SLC25A21: variants seen among roughly 807,000 people sequenced by gnomAD.
SLC25A21 encodes solute carrier family 25 member 21.
A neutral mutation model predicts 43.8 loss-of-function variants in SLC25A21; 47 were observed. The ratio of observed to expected loss-of-function variants is 1.07; its 90% CI spans 0.85 to 1.37. The LOEUF (loss-of-function observed/expected upper bound fraction) is 1.37. Among genes scored for constraint, SLC25A21 ranks in the 40% most tolerant of loss-of-function variants. The probability of loss-of-function intolerance (pLI) is 0.00; values close to 1 mark genes in which losing one functional copy is unlikely to be tolerated. For synonymous variants in SLC25A21, 131 were observed against 121.3 expected, an observed-to-expected ratio of 1.08 and a Z score of -0.52; for missense variants, 352 against 350.2, an observed-to-expected ratio of 1.00 and a Z score of -0.04.
At chr14:36,761,182 C>G (rs924823161) in intron 3 of SLC25A21, among the ~76,000 whole-genome samples, 1 of 152,182 alleles carries the variant, frequency 6.6e-6, no homozygotes, top group African/African-American at 2.4e-5. Flanking sequence ...TGCATCCAAA[C>G]AGAAGCCTTG....
chr14:36,814,572 T>C (rs1888387139), intron 2 of SLC25A21, among the ~76,000 whole-genome samples: 1 of 152,222 alleles, frequency 6.6e-6, no homozygotes, highest in South Asian at 2.1e-4. Flanking sequence ...GAAAAAATCC[T>C]CATCATCACT....
At chr14:36,938,663 T>C (rs1892484773) in intron 1 of SLC25A21, among the ~76,000 whole-genome samples, 1 of 152,028 alleles carries the variant, frequency 6.6e-6, no homozygotes. Flanking sequence ...CATGTTCACA[T>C]CTCGTTGTTT....
At chr14:36,733,181 C>T (rs1884899747) in intron 4 of SLC25A21, among the ~76,000 whole-genome samples, 1 of 152,208 alleles carries the variant, frequency 6.6e-6, no homozygotes, top group South Asian at 2.1e-4. Context: ...ATGTAACTCA[C>T]TGAACAGATG....
chr14:36,858,357 T>G (rs528862904), intron 2 of SLC25A21, among the ~76,000 whole-genome samples: 1 of 152,306 alleles, frequency 6.6e-6, no homozygotes, highest in African/African-American at 2.4e-5. Context: ...CTTCTCAACC[T>G]GATGTTTAAG....
chr14:36,825,982 G>C (rs1321350698), intron 2 of SLC25A21, among the ~76,000 whole-genome samples: 1 of 152,104 alleles, frequency 6.6e-6, no homozygotes, highest in Non-Finnish European at 1.5e-5. Flanking sequence ...CCTTATTATT[G>C]AGTATAAAAG....
At chr14:36,918,562 G>A (rs953948103) in intron 1 of SLC25A21, among the ~76,000 whole-genome samples, 1 of 152,086 alleles carries the variant, frequency 6.6e-6, no homozygotes, top group East Asian at 1.9e-4. Flanking sequence ...TGCAGGATGA[G>A]AAAGCCCAAC....
chr14:37,111,893 T>A (rs1466228044), intron 1 of SLC25A21, among the ~76,000 whole-genome samples: 1 of 152,178 alleles, frequency 6.6e-6, no homozygotes, highest in Non-Finnish European at 1.5e-5. Context: ...AAAACTAGTA[T>A]AATCAACAAG....
chr14:36,925,013 A>C (rs932998900), intron 1 of SLC25A21, among the ~76,000 whole-genome samples: 1 of 152,168 alleles, frequency 6.6e-6, no homozygotes, highest in African/African-American at 2.4e-5. Flanking sequence ...ATGTGGTACA[A>C]TGTTAGCTGA....
intron 1 of SLC25A21, among the ~76,000 whole-genome samples, chr14:37,044,909 C>T (rs1961555040): frequency 6.6e-6 from 1 of 152,192 alleles, no homozygotes; most frequent in African/African-American, 2.4e-5. Context: ...ATCAATGTCT[C>T]CCCAACATTA....
intron 1 of SLC25A21, among the ~76,000 whole-genome samples, chr14:37,112,767 T>C (rs776382512): frequency 6.6e-6 from 1 of 152,142 alleles, no homozygotes; most frequent in Non-Finnish European, 1.5e-5. Context: ...TACTATTAGA[T>C]GGGAGTCATA....
chr14:36,796,348 A>AATTTATTT (rs555283170), intron 3 of SLC25A21, among the ~76,000 whole-genome samples: 1,794 of 151,362 alleles, frequency 0.012, 31 homozygotes, highest in African/African-American at 0.042. Context: ...ACAGTATGGT[A>AATTTATTT]ATTTATTTAT....
rs115238458 is a variant in SLC25A21, at chr14:36,871,588, A to C, written c.119+3368T>G. ...TTGGAGTATTATTTGAATTTGATACAACATACATGTACTATTTTGATAAAT... is the reference window on the plus strand; with the variant it reads ...TTGGAGTATTATTTGAATTTGATACCACATACATGTACTATTTTGATAAAT... On this transcript the variant is annotated intron_variant, in intron 2 of 9. Coordinates refer to ENST00000331299, the MANE Select transcript of SLC25A21 (RefSeq NM_030631.4). Among the ~76,000 whole-genome samples, 1,464 of 152,314 alleles carry C rather than the reference A, an allele frequency of 9.6e-3. 19 individuals are homozygous for C. Among genetic ancestry groups the C allele is most frequent in the African/African-American group, 0.03 (1,264 of 41,572 alleles).
chr14:36,794,523 G>A (rs1594594183), intron 3 of SLC25A21, among the ~76,000 whole-genome samples: 1 of 152,072 alleles, frequency 6.6e-6, no homozygotes, highest in Non-Finnish European at 1.5e-5. Flanking sequence ...AGCCCAGCAC[G>A]TTGGGAGGCC....
At chr14:36,811,621 C>T (rs954934727) in intron 3 of SLC25A21, among the ~76,000 whole-genome samples, 2 of 152,092 alleles carry the variant, frequency 1.3e-5, no homozygotes, top group African/African-American at 4.8e-5. Flanking sequence ...CATTGCACTC[C>T]AGCCTGCGTA....
intron 1 of SLC25A21, among the ~76,000 whole-genome samples, chr14:37,163,205 T>G (rs946671172): frequency 6.6e-6 from 1 of 151,910 alleles, no homozygotes; most frequent in African/African-American, 2.4e-5. Flanking sequence ...GACGAGTTAG[T>G]GGGTGCAGCG....
intron 1 of SLC25A21, among the ~76,000 whole-genome samples, chr14:36,890,963 A>G: frequency 6.6e-6 from 1 of 152,222 alleles, no homozygotes; most frequent in African/African-American, 2.4e-5. Context: ...CAGGCCTCCA[A>G]AGACGGGTTA....
chr14:37,000,419 C>T (rs1369905913), intron 1 of SLC25A21, among the ~76,000 whole-genome samples: 1 of 152,182 alleles, frequency 6.6e-6, no homozygotes, highest in African/African-American at 2.4e-5. Flanking sequence ...CCTCCAATGG[C>T]TTTCCACCAA....
intron 1 of SLC25A21, among the ~76,000 whole-genome samples, chr14:37,027,834 T>A (rs1255466808): frequency 6.6e-6 from 1 of 152,178 alleles, no homozygotes; most frequent in Non-Finnish European, 1.5e-5. Context: ...AAATAAGATA[T>A]CACATGAAAA....
chr14:37,083,514 T>C (rs1285341554), intron 1 of SLC25A21, among the ~76,000 whole-genome samples: 1 of 152,184 alleles, frequency 6.6e-6, no homozygotes, highest in Non-Finnish European at 1.5e-5. Context: ...ACGGCAAGGA[T>C]TATAATCACC....
Sources: allele counts gnomAD v4.1 joint callset (sites outside exome capture counted in the v4.1 genomes callset), GRCh38; gene constraint gnomAD v4.1.1; transcripts MANE v1.5; gene names NCBI Gene and HGNC (gene_info 2026-07-23, HGNC 2026-07-21).